Variants in DNAI2 observed in about 807,000 individuals in gnomAD.
The protein encoded by DNAI2 is dynein axonemal intermediate chain 2, also known as dynein, axonemal, intermediate polypeptide 2.
DNAI2 carries 63 observed loss-of-function variants against 74.7 expected under a neutral mutation model. That is an observed-to-expected ratio of 0.84 (90% CI 0.69 to 1.04). The LOEUF (loss-of-function observed/expected upper bound fraction) is 1.04, where lower values mean the gene tolerates loss of function less well. Among genes scored for constraint, DNAI2 ranks in the 50% least tolerant of loss-of-function variants. The pLI is 0.00. For synonymous variants in DNAI2, 289 were observed against 314.9 expected (o/e 0.92, Z 0.87); for missense variants, 688 against 803.2 (o/e 0.86, Z 1.73).
chr17:74,291,206 G>C, intron 6 of DNAI2, 73 bp downstream of exon 6: 1 of 1,322,304 alleles, frequency 7.6e-7, no homozygotes. Context: ...TGTTTCCCAG[G>C]CTGGAGTGTA....
chr17:74,284,638 T>G (rs972180369), intron 2 of DNAI2, among the ~76,000 whole-genome samples: 1 of 152,132 alleles, frequency 6.6e-6, no homozygotes. Flanking sequence ...GGTCTCGATC[T>G]CCTGACCTCG....
intron 6 of DNAI2, among the ~76,000 whole-genome samples, chr17:74,291,691 A>G (rs1356827223): frequency 6.6e-6 from 1 of 152,206 alleles, no homozygotes; most frequent in Non-Finnish European, 1.5e-5. Context: ...TAGTTCAAGT[A>G]AAATCAGAGA....
intron 11 of DNAI2, 37 bp downstream of exon 11, chr17:74,310,200 C>T (rs777815873): frequency 5.6e-6 from 9 of 1,608,272 alleles, no homozygotes; most frequent in East Asian, 2.2e-5. Context: ...CCCTCCAGCA[C>T]GTCCCGACCT....
Position 74,274,333 on chromosome 17 carries a change from G to C in DNAI2, c.-24G>C, listed in dbSNP as rs2050935104. The C allele has an allele frequency of 6.6e-6, 1 of 152,380 alleles. No individual in the cohort carries two copies. The allele number at this position is 152,380 out of a possible 1,614,324, so 9.4% of individuals were successfully genotyped here. A position where few individuals can be genotyped will look rare whatever the true frequency, so the allele number is the denominator to read the frequency against. On this transcript the variant is annotated 5_prime_UTR_variant, in exon 1 of 14. Transcript: ENST00000311014. ...TTCCCCAGAGACCCAGAAGCAGAAG[G>C]AGCGGACCCAGGGTAAGGGGCGGGC...
At chr17:74,310,287 T>C (rs991613829) in intron 11 of DNAI2, 124 bp downstream of exon 11, 18 of 1,390,150 alleles carry the variant, frequency 1.3e-5, no homozygotes, top group Middle Eastern at 2.4e-4. Context: ...GTGCACATTT[T>C]GGGGGAAGCA....
At chr17:74,290,329 A>C (rs1282300261) in intron 5 of DNAI2, among the ~76,000 whole-genome samples, 2 of 152,174 alleles carry the variant, frequency 1.3e-5, no homozygotes, top group Non-Finnish European at 2.9e-5. Flanking sequence ...AGCAACAACA[A>C]GACAGAGTGC....
At chr17:74,275,344 G>A (rs1434332152) in intron 1 of DNAI2, among the ~76,000 whole-genome samples, 4 of 152,144 alleles carry the variant, frequency 2.6e-5, no homozygotes, top group Non-Finnish European at 4.4e-5. Context: ...GAAAATAAAT[G>A]GGGGCTTTCT....
At chr17:74,278,440 AT>A (rs2051211806) in intron 1 of DNAI2, among the ~76,000 whole-genome samples, 1 of 152,152 alleles carries the variant, frequency 6.6e-6, no homozygotes, top group South Asian at 2.1e-4. Context: ...ATAAAAAGAA[AT>A]GTTAGTGAGA....
intron 6 of DNAI2, among the ~76,000 whole-genome samples, chr17:74,291,353 AG>A (rs1262850065): frequency 6.6e-6 from 1 of 151,972 alleles, no homozygotes; most frequent in Non-Finnish European, 1.5e-5. Flanking sequence ...TAGTAGAGAC[AG>A]GGTTTCACCA....
At chr17:74,297,391 CTTTT>C (rs61180859) in intron 6 of DNAI2, among the ~76,000 whole-genome samples, 2 of 127,172 alleles carry the variant, frequency 1.6e-5, no homozygotes, top group Non-Finnish European at 1.7e-5. Context: ...CGTGCCCAGA[CTTTT>C]TTTTTTTTTT....
At chr17:74,307,404 A>C in intron 9 of DNAI2, 2 of 432,838 alleles carry the variant, frequency 4.6e-6, no homozygotes, top group Non-Finnish European at 9.3e-6. Context: ...CAGTGGGCTA[A>C]TGCCTGTAAT....
chr17:74,286,963 T>C lies in DNAI2; in HGVS notation c.346-14T>C, dbSNP rs765468248. ...TCCATTTACTGCGGAGAACTTCCAA[T>C]GTGTCCCCCCTAGATCATGGAGCAC... On this transcript the variant is annotated splice_polypyrimidine_tract_variant and intron_variant, in intron 3 of 13. Coordinates refer to ENST00000311014, the MANE Select transcript of DNAI2 (RefSeq NM_023036.6). The C allele has an allele frequency of 2.0e-5, 33 of 1,613,748 alleles. No homozygotes were observed. Among genetic ancestry groups the C allele is most frequent in the Non-Finnish European group, 2.5e-5 (30 of 1,179,732 alleles).
At position 74,307,265 on chromosome 17, in the gene DNAI2, C is replaced by G; in HGVS notation, c.1211+1823C>G. ...GGGTGTCGAGCACAGCACCCATAGGCCTTTCGCAGGGCTGGTTCCTAGAGG... is the reference window on the plus strand; with the variant it reads ...GGGTGTCGAGCACAGCACCCATAGGGCTTTCGCAGGGCTGGTTCCTAGAGG... On this transcript the variant is annotated intron_variant, in intron 9 of 13. Transcript: ENST00000311014. The G allele has an allele frequency of 6.6e-6, 3 of 456,296 alleles. 1 individual carries two copies. The highest frequency in any genetic ancestry group is 4.6e-5 in the South Asian group (3 of 64,558). 28.3% of individuals were successfully genotyped at this position (456,296 alleles called of 1,614,324 possible).
chr17:74,280,249 C>T (rs1042420505), intron 1 of DNAI2, among the ~76,000 whole-genome samples: 5 of 152,190 alleles, frequency 3.3e-5, no homozygotes, highest in African/African-American at 9.7e-5. Context: ...CCCTTCCTTG[C>T]GTGGCCTGTG....
At chr17:74,302,527 A>G (rs1361249854) in intron 8 of DNAI2, among the ~76,000 whole-genome samples, 1 of 152,078 alleles carries the variant, frequency 6.6e-6, no homozygotes, top group Non-Finnish European at 1.5e-5. Flanking sequence ...AGATCGCATC[A>G]TTGCACTCCA....
intron 1 of DNAI2, among the ~76,000 whole-genome samples, chr17:74,280,371 C>T (rs1170429777): frequency 6.6e-6 from 1 of 152,174 alleles, no homozygotes; most frequent in Non-Finnish European, 1.5e-5. Context: ...CAGCTGGTGA[C>T]GGGAGGCCCA....
chr17:74,289,859 G>A (rs2051980160), intron 5 of DNAI2, 123 bp downstream of exon 5: 2 of 1,225,016 alleles, frequency 1.6e-6, no homozygotes, highest in Non-Finnish European at 2.3e-6. Context: ...TCAAGGGAAG[G>A]GCCCGCAGTC....
At chr17:74,282,711 G>C (rs1196498758) in intron 2 of DNAI2, among the ~76,000 whole-genome samples, 1 of 152,202 alleles carries the variant, frequency 6.6e-6, no homozygotes, top group Non-Finnish European at 1.5e-5. Flanking sequence ...TCCACGATAA[G>C]AGAACTTATC....
intron 2 of DNAI2, 21 bp downstream of exon 2, chr17:74,282,021 C>A: frequency 6.2e-7 from 1 of 1,613,548 alleles, no homozygotes; most frequent in Non-Finnish European, 8.5e-7. Context: ...GCCCCAAGGG[C>A]CCTGGCCTGT....
Sources: allele counts gnomAD v4.1 joint callset (sites outside exome capture counted in the v4.1 genomes callset), GRCh38; gene constraint gnomAD v4.1.1; transcripts MANE v1.5; gene names NCBI Gene and HGNC (gene_info 2026-07-23, HGNC 2026-07-21).